Variants in ZC3H8 observed in about 807,000 individuals in gnomAD.
ZC3H8 encodes zinc finger CCCH-type containing 8.
ZC3H8 carries 27 observed loss-of-function variants against 42.5 expected under a neutral mutation model. The ratio of observed to expected loss-of-function variants is 0.64; its 90% confidence interval spans 0.47 to 0.88. The LOEUF is 0.88. ZC3H8 is among the 40% of genes least tolerant of loss of function. The pLI is 0.00. For missense variants in ZC3H8, 277 were observed against 336.1 expected, an observed-to-expected ratio of 0.82 and a Z score of 1.37; for synonymous variants, 101 against 110.1, an observed-to-expected ratio of 0.92 and a Z score of 0.52.
intron 2 of ZC3H8, among the ~76,000 whole-genome samples, chr2:112,249,853 C>T (rs762229739): frequency 6.6e-6 from 1 of 152,198 alleles, no homozygotes; most frequent in Non-Finnish European, 1.5e-5. Flanking sequence ...GTTAACAAAT[C>T]ATAACCCTCA....
intron 2 of ZC3H8, among the ~76,000 whole-genome samples, chr2:112,241,167 C>T (rs1685570430): frequency 1.3e-5 from 2 of 152,062 alleles, no homozygotes; most frequent in Non-Finnish European, 1.5e-5. Flanking sequence ...TAAAATTCTA[C>T]AAAAAACAGA....
chr2:112,225,919 T>TA (rs1451871786), intron 8 of ZC3H8, among the ~76,000 whole-genome samples: 1 of 151,760 alleles, frequency 6.6e-6, no homozygotes, highest in African/African-American at 2.4e-5. Flanking sequence ...CCATCTCTAC[T>TA]AAAAATACAA....
rs561622776 is a variant in ZC3H8 at position 112,215,644 on chromosome 2, T to A, written c.*840A>T. 12 of 152,346 alleles carry A rather than the reference T, an allele frequency of 7.9e-5. No individual in the cohort carries two copies. The highest frequency in any genetic ancestry group is 2.4e-4 in the African/African-American group (10 of 41,584). The allele number at this position is 152,346 out of a possible 1,614,324, so 9.4% of individuals were successfully genotyped here. A position where few individuals can be genotyped will look rare whatever the true frequency, so the allele number is the denominator to read the frequency against. On this transcript the variant is annotated 3_prime_UTR_variant, in exon 9 of 9. Transcript: ENST00000409573. ...TTTCCATTTCATGGTATTTGTCTAA[T>A]AATAACCAATAATCAATATTACTAT... is the stretch of plus-strand genomic sequence containing the variant.
rs190629110 is a variant in ZC3H8 at position 112,223,308 on chromosome 2, C to G, written c.*16-6840G>C. 2.0e-5 allele frequency among the ~76,000 whole-genome samples: 3 copies of G among 151,702 alleles called. No individual in the cohort carries two copies. In the East Asian group the frequency reaches 5.8e-4, roughly 29 times the overall value. On this transcript the variant is annotated intron_variant, in intron 8 of 8. Transcript: ENST00000409573. ...AATATTTAAAGAAGGAATAATAAAT[C>G]TATATGAACAATTGCATGTCAATGT... is the stretch of plus-strand genomic sequence containing the variant.
At chr2:112,250,915 C>T (rs1685924030) in intron 1 of ZC3H8, among the ~76,000 whole-genome samples, 1 of 152,138 alleles carries the variant, frequency 6.6e-6, no homozygotes, top group Admixed American at 6.5e-5. Context: ...TTCAGACTTA[C>T]AGGACTGAGA....
chr2:112,250,289 A>G lies in ZC3H8; in HGVS notation c.75-17T>C. 1 of 1,533,262 alleles carries G rather than the reference A, an allele frequency of 6.5e-7. No individual in the cohort carries two copies. Among genetic ancestry groups the G allele is most frequent in the Non-Finnish European group, 8.8e-7 (1 of 1,136,292 alleles). 95.0% of individuals were successfully genotyped at this position (1,533,262 alleles called of 1,614,324 possible). A position where few individuals can be genotyped will look rare whatever the true frequency, so the allele number is the denominator to read the frequency against. ...TCATCGATTCTGTAGCAAAAATATC[A>G]AATAACACAAAAGAGTTTTTTCAAC... On this transcript the variant is annotated splice_polypyrimidine_tract_variant and intron_variant, in intron 1 of 8. Transcript: ENST00000409573.
intron 6 of ZC3H8, 150 bp downstream of exon 6, chr2:112,233,110 C>T: frequency 1.9e-6 from 1 of 539,310 alleles, no homozygotes; most frequent in Non-Finnish European, 3.3e-6. Flanking sequence ...ATGAAAAAAT[C>T]CACGTACAAT....
intron 4 of ZC3H8, among the ~76,000 whole-genome samples, chr2:112,235,483 C>T (rs1573908252): frequency 6.6e-6 from 1 of 152,154 alleles, no homozygotes; most frequent in African/African-American, 2.4e-5. Context: ...ACCTGAACCA[C>T]AGGGCTTCAG....
chr2:112,238,622 A>G, intron 2 of ZC3H8, 94 bp from the exon 3 acceptor site: 1 of 1,011,962 alleles, frequency 9.9e-7, no homozygotes, highest in Non-Finnish European at 1.4e-6. Flanking sequence ...TAAACTGGTC[A>G]TTGTTGAAGG....
intron 1 of ZC3H8, among the ~76,000 whole-genome samples, chr2:112,251,229 CA>C (rs972275253): frequency 5.3e-5 from 8 of 152,130 alleles, no homozygotes; most frequent in Non-Finnish European, 1.0e-4. Flanking sequence ...GAACATGTTA[CA>C]AAGGGAAAGC....
At chr2:112,227,425 T>C (rs1159496631) in intron 8 of ZC3H8, among the ~76,000 whole-genome samples, 3 of 152,168 alleles carry the variant, frequency 2.0e-5, no homozygotes, top group African/African-American at 4.8e-5. Flanking sequence ...CTCGGGAGGC[T>C]GAGGCAGGAG....
At chr2:112,236,522 T>A in intron 4 of ZC3H8, 40 bp downstream of exon 4, 1 of 1,602,314 alleles carries the variant, frequency 6.2e-7, no homozygotes. Flanking sequence ...TCCAAAAGCA[T>A]GCAGGGGTCA....
At chr2:112,231,760 A>G (rs957510369) in intron 7 of ZC3H8, 78 bp downstream of exon 7, 1 of 848,360 alleles carries the variant, frequency 1.2e-6, no homozygotes, top group Admixed American at 2.8e-5. Flanking sequence ...CTCCTTAATT[A>G]TCTTCAAATT....
chr2:112,229,676 G>A (rs1341070320), intron 8 of ZC3H8, among the ~76,000 whole-genome samples: 3 of 152,094 alleles, frequency 2.0e-5, no homozygotes, highest in Non-Finnish European at 2.9e-5. Flanking sequence ...ATCTATATAT[G>A]CATAAAAAAT....
chr2:112,230,877 A>G (rs1041892219), intron 8 of ZC3H8, 26 bp downstream of exon 8: 54 of 1,290,256 alleles, frequency 4.2e-5, no homozygotes, highest in Non-Finnish European at 5.4e-5. Flanking sequence ...CAAGAAAAAA[A>G]GAAATGTGGT....
chr2:112,212,303 G>A lies in ZC3H8; in HGVS notation c.*4181C>T, dbSNP rs1307520514. On this transcript the variant is annotated 3_prime_UTR_variant, in exon 9 of 9. Transcript: ENST00000409573. ...TACCTCCTAACAGTTAGTCCTAGGA[G>A]TCAGGATTTCAACACATGAATTTTG... 6.6e-6 allele frequency: 1 copy of A among 152,244 alleles called. No individual in the cohort carries two copies. Among genetic ancestry groups the A allele is most frequent in the Admixed American group, 6.5e-5 (1 of 15,282 alleles). The allele number at this position is 152,244 out of a possible 1,614,324, so 9.4% of individuals were successfully genotyped here. A position where few individuals can be genotyped will look rare whatever the true frequency, so the allele number is the denominator to read the frequency against.
At chr2:112,227,481 C>T (rs950682532) in intron 8 of ZC3H8, among the ~76,000 whole-genome samples, 2 of 152,152 alleles carry the variant, frequency 1.3e-5, no homozygotes, top group Non-Finnish European at 2.9e-5. Flanking sequence ...ACCGAGATCG[C>T]GCCATTTGCA....
chr2:112,254,916 A>C lies in ZC3H8; in HGVS notation c.66T>G (p.Ser22=). ...AAAAGATATGGGATCACCTTTCGTC[A>C]GAGTCCGTGGCCGTTTTGCCGAGGG... ...NPALGKTATD[S]DERIDDEIDT... Residue 22 remains serine, a synonymous_variant, in exon 1 of 9, where the codon TCT becomes TCG. Transcript: ENST00000409573. The C allele has an allele frequency of 6.2e-7, 1 of 1,613,472 alleles. No individual in the cohort carries two copies. The highest frequency in any genetic ancestry group is 1.1e-5 in the South Asian group (1 of 90,990).
intron 2 of ZC3H8, among the ~76,000 whole-genome samples, chr2:112,244,204 A>C (rs1685682888): frequency 6.6e-6 from 1 of 152,164 alleles, no homozygotes; most frequent in African/African-American, 2.4e-5. Context: ...AGATATTAGA[A>C]TGAAATTGGT....
Sources: gnomAD v4.1 joint callset for allele counts (sites outside exome capture counted in the v4.1 genomes callset) on GRCh38, gnomAD v4.1.1 for gene constraint, MANE v1.5 for transcripts, NCBI Gene and HGNC (gene_info 2026-07-23, HGNC 2026-07-21) for gene names.